The following SLC8A3 variants were observed in gnomAD, a reference collection of about 807,000 sequenced individuals.
SLC8A3 encodes sodium/calcium exchanger 3.
A neutral mutation model predicts 65.4 loss-of-function variants in SLC8A3; 37 were observed. The ratio of observed to expected loss-of-function variants is 0.57; its 90% confidence interval spans 0.44 to 0.74. The LOEUF is 0.74. SLC8A3 is among the 30% of genes least tolerant of loss of function. The pLI is 0.00. For missense variants in SLC8A3, 1,112 were observed against 1,172.1 expected (o/e 0.95, Z 0.75); for synonymous variants, 461 against 444.5 (o/e 1.04, Z -0.47).
intron 2 of SLC8A3, among the ~76,000 whole-genome samples, chr14:70,071,420 A>C (rs142468939): frequency 6.6e-6 from 1 of 152,372 alleles, no homozygotes; most frequent in East Asian, 1.9e-4. Flanking sequence ...GAAAGATACG[A>C]GCCACAAGAA....
At chr14:70,164,397 A>C (rs922696602) in intron 2 of SLC8A3, among the ~76,000 whole-genome samples, 1 of 152,170 alleles carries the variant, frequency 6.6e-6, no homozygotes, top group African/African-American at 2.4e-5. Flanking sequence ...CAATGAATGA[A>C]GTCTAAAAAA....
At chr14:70,111,836 G>GT (rs1374202677) in intron 2 of SLC8A3, among the ~76,000 whole-genome samples, 1 of 152,210 alleles carries the variant, frequency 6.6e-6, no homozygotes, top group Non-Finnish European at 1.5e-5. Flanking sequence ...AAATTTTAAA[G>GT]TAAGTCCCTG....
intron 2 of SLC8A3, among the ~76,000 whole-genome samples, chr14:70,127,865 C>A (rs1473038576): frequency 6.6e-6 from 1 of 152,104 alleles, no homozygotes; most frequent in Admixed American, 6.6e-5. Context: ...TAAACTCTCC[C>A]CTTTGGTAAG....
chr14:70,095,336 A>G (rs903986205), intron 2 of SLC8A3, among the ~76,000 whole-genome samples: 2 of 152,184 alleles, frequency 1.3e-5, no homozygotes, highest in Non-Finnish European at 2.9e-5. Context: ...AAGTAGAGAA[A>G]CCACATTTCC....
At chr14:70,049,473 G>A (rs1315105452) in intron 5 of SLC8A3, among the ~76,000 whole-genome samples, 2 of 152,134 alleles carry the variant, frequency 1.3e-5, no homozygotes, top group African/African-American at 4.8e-5. Flanking sequence ...TCACACACTG[G>A]AGCCTGTCAG....
intron 2 of SLC8A3, among the ~76,000 whole-genome samples, chr14:70,153,674 C>T (rs1261447761): frequency 3.3e-5 from 5 of 152,206 alleles, no homozygotes; most frequent in Middle Eastern, 3.4e-3. Context: ...AAATGTCTGC[C>T]GATTATACAT....
At chr14:70,150,602 T>A (rs1326351403) in intron 2 of SLC8A3, among the ~76,000 whole-genome samples, 1 of 152,102 alleles carries the variant, frequency 6.6e-6, no homozygotes, top group East Asian at 1.9e-4. Context: ...GCTCTCCTCT[T>A]GTCACAGACA....
chr14:70,055,937 G>C, intron 3 of SLC8A3: 1 of 799,074 alleles, frequency 1.3e-6, no homozygotes, highest in Non-Finnish European at 2.0e-6. Flanking sequence ...GAGCTTAGTA[G>C]GTGAGAGCTC....
chr14:70,060,460 T>C (rs1042463328), intron 3 of SLC8A3, among the ~76,000 whole-genome samples: 5 of 152,106 alleles, frequency 3.3e-5, no homozygotes, highest in African/African-American at 9.7e-5. Flanking sequence ...ATTTACAGGT[T>C]ACAGTGTAGG....
At chr14:70,064,102 A>T (rs1402994938) in intron 2 of SLC8A3, among the ~76,000 whole-genome samples, 1 of 152,186 alleles carries the variant, frequency 6.6e-6, no homozygotes, top group Admixed American at 6.5e-5. Flanking sequence ...CTCCAGCCTC[A>T]CTGGGCTCCT....
chr14:70,070,579 G>T (rs988946931), intron 2 of SLC8A3, among the ~76,000 whole-genome samples: 2 of 152,162 alleles, frequency 1.3e-5, no homozygotes, highest in African/African-American at 4.8e-5. Context: ...ATGGTTCTGG[G>T]GCTGTCACAA....
Position 70,168,379 on chromosome 14 carries a change from T to G in SLC8A3, c.44A>C (p.His15Pro). Reference protein sequence around the residue: ...RLQPLTSAFLHFGLVTFVLFL... With the variant: ...RLQPLTSAFLPFGLVTFVLFL... Reference sequence around the variant, plus strand: ...GAGCACAAAGGTAACCAGCCCAAAATGGAGGAAGGCAGAGGTGAGAGGCTG... The same window carrying G: ...GAGCACAAAGGTAACCAGCCCAAAAGGGAGGAAGGCAGAGGTGAGAGGCTG... The change falls in exon 2 of 7, where the codon CAT (histidine) becomes CCT (proline). Residue 15 changes from histidine to proline, a missense_variant. Physicochemically the swap from His to Pro is moderately conservative, Grantham distance 77. Coordinates refer to ENST00000356921, the MANE Select transcript of SLC8A3 (RefSeq NM_182932.3). 5.0e-6 allele frequency: 8 copies of G among 1,613,962 alleles called. No individual in the cohort carries two copies. The highest frequency in any genetic ancestry group is 6.8e-6 in the Non-Finnish European group (8 of 1,179,984).
At chr14:70,061,896 CT>C (rs1440054427) in intron 2 of SLC8A3, among the ~76,000 whole-genome samples, 1 of 151,978 alleles carries the variant, frequency 6.6e-6, no homozygotes, top group African/African-American at 2.4e-5. Context: ...AACATAACAT[CT>C]TTTAAAAACA....
Position 70,074,455 on chromosome 14 carries a change from A to G in SLC8A3, c.1785-13516T>C, listed in dbSNP as rs747945506. Among the ~76,000 whole-genome samples, 33 of 152,212 alleles carry G rather than the reference A, an allele frequency of 2.2e-4. 1 individual carries two copies. The highest frequency in any genetic ancestry group is 1.2e-4 in the Non-Finnish European group (8 of 68,028). Reference sequence around the variant, plus strand: ...GTGGATCCTTTGTGCTAATGTGACAATCTAGCCTGCTGCTAGTTTCACAGA... The same window carrying G: ...GTGGATCCTTTGTGCTAATGTGACAGTCTAGCCTGCTGCTAGTTTCACAGA... On this transcript the variant is annotated intron_variant, in intron 2 of 6. Transcript: ENST00000356921.
intron 2 of SLC8A3, among the ~76,000 whole-genome samples, chr14:70,156,223 T>C (rs754303740): frequency 4.6e-5 from 7 of 152,228 alleles, no homozygotes; most frequent in African/African-American, 9.6e-5. Flanking sequence ...AGAATTTCTG[T>C]CCCTGTGGGT....
Position 70,167,321 on chromosome 14 carries a change from T to C in SLC8A3, c.1102A>G (p.Ile368Val). ...ATRMMTGAGN[I>V]LKKHAAEQAK... ...TGTTCTGCTGCATGTTTCTTCAGGA[T>C]ATTGCCTGCACCAGTCATCATACGA... Residue 368 changes from isoleucine to valine, a missense_variant, in exon 2 of 7, where the codon ATC becomes GTC. By Grantham distance (29) the Ile-to-Val change is conservative. Transcript: ENST00000356921. The C allele has an allele frequency of 6.2e-7, 1 of 1,614,214 alleles. No homozygotes were observed. The highest frequency in any genetic ancestry group is 8.5e-7 in the Non-Finnish European group (1 of 1,180,040).
intron 2 of SLC8A3, among the ~76,000 whole-genome samples, chr14:70,088,380 G>C (rs1213415073): frequency 6.6e-6 from 1 of 152,172 alleles, no homozygotes; most frequent in East Asian, 1.9e-4. Context: ...CCTAAGGATT[G>C]CTTTAGAAGC....
intron 1 of SLC8A3, among the ~76,000 whole-genome samples, chr14:70,182,972 T>C (rs1473185883): frequency 6.6e-6 from 1 of 152,174 alleles, no homozygotes; most frequent in African/African-American, 2.4e-5. Flanking sequence ...CAGGGAAGGA[T>C]GAGGAACCCA....
intron 1 of SLC8A3, among the ~76,000 whole-genome samples, chr14:70,169,337 G>A: frequency 6.6e-6 from 1 of 152,138 alleles, no homozygotes; most frequent in East Asian, 1.9e-4. Flanking sequence ...CAGCAGCTCT[G>A]AGCCCTCCAG....
Sources: allele counts gnomAD v4.1 joint callset (sites outside exome capture counted in the v4.1 genomes callset), GRCh38; gene constraint gnomAD v4.1.1; transcripts MANE v1.5; gene names NCBI Gene and HGNC (gene_info 2026-07-23, HGNC 2026-07-21).